Variants in AHCY observed in about 807,000 individuals in gnomAD.
AHCY encodes the protein adenosylhomocysteinase, also known as S-adenosyl-L-homocysteine hydrolase.
Under a neutral mutation model 45.4 loss-of-function variants are expected in AHCY, and 24 were observed. The ratio of observed to expected loss-of-function variants is 0.53; its 90% CI spans 0.38 to 0.74. The LOEUF (loss-of-function observed/expected upper bound fraction) is 0.74, where lower values mean the gene tolerates loss of function less well. Among genes scored for constraint, AHCY ranks in the 30% least tolerant of loss-of-function variants. The pLI is 0.00. For synonymous variants in AHCY, 245 were observed against 235.1 expected, an observed-to-expected ratio of 1.04 and a Z score of -0.39; for missense variants, 449 against 594.1, an observed-to-expected ratio of 0.76 and a Z score of 2.54.
chr20:34,286,626 G>C (rs2036195760), intron 8 of AHCY, among the ~76,000 whole-genome samples: 1 of 151,976 alleles, frequency 6.6e-6, no homozygotes, highest in South Asian at 2.1e-4. Context: ...CTGAGGTCGG[G>C]AGTTCGGGAC....
Position 34,280,928 on chromosome 20 carries a change from G to A in AHCY, c.*106C>T. ...GTGATCAGCCCCAGAGAGTCGATGGGGGACACTGACAAACCAATCACAAAG... is the reference window on the plus strand; with the variant it reads ...GTGATCAGCCCCAGAGAGTCGATGGAGGACACTGACAAACCAATCACAAAG... On this transcript the variant is annotated 3_prime_UTR_variant, in exon 10 of 10. Coordinates refer to ENST00000217426, the MANE Select transcript of AHCY (RefSeq NM_000687.4). 6.5e-7 allele frequency: 1 copy of A among 1,530,242 alleles called. No homozygotes were observed. The highest frequency in any genetic ancestry group is 1.9e-5 in the Admixed American group (1 of 53,826). 94.8% of individuals were successfully genotyped at this position (1,530,242 alleles called of 1,614,324 possible).
chr20:34,263,661 CTTTT>C, the AHCY span, among the ~76,000 whole-genome samples: 1 of 134,420 alleles, frequency 7.4e-6, no homozygotes, highest in Non-Finnish European at 1.5e-5. Context: ...TATTTTATGT[CTTTT>C]TTTTTTTTTC....
the AHCY span, among the ~76,000 whole-genome samples, chr20:34,263,772 G>A: frequency 6.6e-6 from 1 of 150,952 alleles, no homozygotes; most frequent in Non-Finnish European, 1.5e-5. Flanking sequence ...GAGTTCAAGC[G>A]ATTCTCATGC....
intron 9 of AHCY, 97 bp downstream of exon 9, chr20:34,285,343 C>G: frequency 7.2e-7 from 1 of 1,388,904 alleles, no homozygotes; most frequent in South Asian, 1.2e-5. Flanking sequence ...TCTAAGAGGG[C>G]AGACAGGCAA....
chr20:34,233,282 G>A, the AHCY span, among the ~76,000 whole-genome samples: 1 of 151,514 alleles, frequency 6.6e-6, no homozygotes, highest in Non-Finnish European at 1.5e-5. Context: ...CAAGTAGCTG[G>A]GACTACAGGC....
chr20:34,297,164 C>T (rs2036600964), intron 1 of AHCY, among the ~76,000 whole-genome samples: 3 of 152,128 alleles, frequency 2.0e-5, no homozygotes, highest in Admixed American at 6.6e-5. Context: ...CTTCTACCCC[C>T]TTTCCCTTTG....
intron 4 of AHCY, among the ~76,000 whole-genome samples, 190 bp from the exon 5 acceptor site, chr20:34,291,721 C>G (rs908879308): frequency 6.6e-6 from 1 of 152,214 alleles, no homozygotes; most frequent in African/African-American, 2.4e-5. Context: ...GAAGCCACCA[C>G]CAGGCCTAGT....
chr20:34,265,578 C>T, the AHCY span, among the ~76,000 whole-genome samples: 2 of 152,104 alleles, frequency 1.3e-5, no homozygotes, highest in Non-Finnish European at 2.9e-5. Context: ...CTAACCCCTG[C>T]ATTGTTCAAG....
At chr20:34,245,118 G>A in the AHCY span, among the ~76,000 whole-genome samples, 13,480 of 151,740 alleles carry the variant, frequency 0.089, 1,977 homozygotes, top group African/African-American at 0.31. Context: ...GGCAAATCAC[G>A]AGGTCAGGAG....
chr20:34,235,805 G>T, the AHCY span, among the ~76,000 whole-genome samples: 1 of 54,036 alleles, frequency 1.9e-5, no homozygotes, highest in African/African-American at 2.1e-4. Flanking sequence ...AAGAAAGAAA[G>T]AAAGAAAGAA....
intron 1 of AHCY, 180 bp downstream of exon 1, chr20:34,303,063 G>C: frequency 1.0e-6 from 1 of 985,388 alleles, no homozygotes; most frequent in African/African-American, 1.7e-5. Context: ...CACCCGGAAC[G>C]GCCCGCTCAT....
At chr20:34,260,421 G>A in the AHCY span, 1 of 1,614,108 alleles carries the variant, frequency 6.2e-7, no homozygotes. Context: ...GTCTTCCTCT[G>A]CTTCTTCACT....
At chr20:34,261,442 T>C in the AHCY span, among the ~76,000 whole-genome samples, 1 of 152,212 alleles carries the variant, frequency 6.6e-6, no homozygotes, top group Non-Finnish European at 1.5e-5. Flanking sequence ...AAGACCAGCC[T>C]GGTCAACAGG....
chr20:34,275,128 TTTC>T, the AHCY span, among the ~76,000 whole-genome samples: 238 of 127,816 alleles, frequency 1.9e-3, no homozygotes, highest in Non-Finnish European at 3.4e-3. Context: ...AGTTCTCTAT[TTTC>T]TTTTTTTTTT....
chr20:34,285,278 T>G (rs956636590), intron 9 of AHCY, among the ~76,000 whole-genome samples, 162 bp downstream of exon 9: 4 of 152,178 alleles, frequency 2.6e-5, no homozygotes, highest in African/African-American at 7.2e-5. Context: ...TCTCAGTTTC[T>G]TCTTCTGTCA....
At chr20:34,301,152 T>C (rs1443843909) in intron 1 of AHCY, among the ~76,000 whole-genome samples, 2 of 152,144 alleles carry the variant, frequency 1.3e-5, no homozygotes, top group South Asian at 4.2e-4. Flanking sequence ...TTGCTGCAGG[T>C]TCCATAGCCA....
chr20:34,270,317 T>G, the AHCY span, among the ~76,000 whole-genome samples: 1 of 151,932 alleles, frequency 6.6e-6, no homozygotes, highest in African/African-American at 2.4e-5. Flanking sequence ...TCCTGTTCCC[T>G]CTCTGTTCCT....
the AHCY span, among the ~76,000 whole-genome samples, chr20:34,243,382 C>A: frequency 6.6e-6 from 1 of 152,150 alleles, no homozygotes; most frequent in East Asian, 1.9e-4. Flanking sequence ...CCAATTCAGT[C>A]ACAATAGTGA....
chr20:34,243,406 A>G, the AHCY span, among the ~76,000 whole-genome samples: 1 of 152,232 alleles, frequency 6.6e-6, no homozygotes. Flanking sequence ...CGGTACGTGT[A>G]TGTAGATACA....
Sources: allele counts gnomAD v4.1 joint callset (sites outside exome capture counted in the v4.1 genomes callset), GRCh38; gene constraint gnomAD v4.1.1; transcripts MANE v1.5; gene names NCBI Gene and HGNC (gene_info 2026-07-23, HGNC 2026-07-21).